Variants in GMDS observed in about 807,000 individuals in gnomAD.
GMDS encodes GDP-mannose 4,6-dehydratase, also known as GDP-mannose 4,6 dehydratase.
Under a neutral mutation model 49.9 loss-of-function variants are expected in GMDS, and 20 were observed. That is an observed-to-expected ratio of 0.40 (90% CI 0.28 to 0.58). The LOEUF (loss-of-function observed/expected upper bound fraction) is 0.58, where lower values mean the gene tolerates loss of function less well. Ranked by LOEUF, GMDS falls within the 20% of genes least tolerant of loss-of-function variation. The pLI is 0.42. For synonymous variants in GMDS, 177 were observed against 178.6 expected (o/e 0.99, Z 0.07); for missense variants, 362 against 481.4 (o/e 0.75, Z 2.32).
chr6:2,245,378 C>A lies in GMDS; in HGVS notation c.45G>T (p.Gly15=). The change falls in exon 1 of 11, where the codon GGG becomes GGT. Residue 15 remains glycine (G), a synonymous_variant. Coordinates refer to ENST00000380815, the MANE Select transcript of GMDS (RefSeq NM_001500.4). The part of the protein sequence containing the change: ...PARCPSARGS[G]DGEMGKPRNV... ...TCCTGGGCTTGCCCATCTCGCCGTC[C>A]CCGGAGCCCCGGGCGCTGGGGCAGC... The A allele has an allele frequency of 6.5e-7, 1 of 1,547,528 alleles. No individual in the cohort carries two copies. The highest frequency in any genetic ancestry group is 8.7e-7 in the Non-Finnish European group (1 of 1,152,348).
At chr6:2,002,757 C>T (rs1380889465) in intron 4 of GMDS, among the ~76,000 whole-genome samples, 1 of 152,100 alleles carries the variant, frequency 6.6e-6, no homozygotes, top group Non-Finnish European at 1.5e-5. Context: ...AAATACTACC[C>T]CTAGAAATAA....
intron 9 of GMDS, among the ~76,000 whole-genome samples, chr6:1,675,757 G>C (rs1764599952): frequency 6.6e-6 from 1 of 151,906 alleles, no homozygotes; most frequent in Non-Finnish European, 1.5e-5. Flanking sequence ...GGAAGCTGAG[G>C]CAGGAGAATG....
intron 9 of GMDS, among the ~76,000 whole-genome samples, chr6:1,636,062 C>T (rs948853849): frequency 3.3e-5 from 5 of 152,096 alleles, no homozygotes; most frequent in African/African-American, 4.8e-5. Context: ...AGAATGTCAG[C>T]GGAAATAGAA....
intron 9 of GMDS, among the ~76,000 whole-genome samples, chr6:1,718,996 AC>A (rs1766271813): frequency 6.6e-6 from 1 of 152,128 alleles, no homozygotes; most frequent in South Asian, 2.1e-4. Flanking sequence ...GGCAAGGCAT[AC>A]CTGATTTACT....
chr6:2,195,311 T>C (rs1164414302), intron 1 of GMDS, among the ~76,000 whole-genome samples: 1 of 152,086 alleles, frequency 6.6e-6, no homozygotes, highest in African/African-American at 2.4e-5. Context: ...TGAAGAAGTG[T>C]TTTATTTTCC....
intron 9 of GMDS, among the ~76,000 whole-genome samples, chr6:1,628,640 G>T (rs1193471662): frequency 6.6e-6 from 1 of 152,222 alleles, no homozygotes; most frequent in Non-Finnish European, 1.5e-5. Context: ...AAGAACATCT[G>T]TTTAGGTGGA....
At chr6:1,952,191 G>C in intron 6 of GMDS, 1 of 162,762 alleles carries the variant, frequency 6.1e-6, no homozygotes, top group Non-Finnish European at 1.3e-5. Context: ...AGGGTATTTT[G>C]GGAGAATACC....
At chr6:1,675,575 G>A (rs944424810) in intron 9 of GMDS, among the ~76,000 whole-genome samples, 11 of 152,134 alleles carry the variant, frequency 7.2e-5, no homozygotes, top group African/African-American at 2.7e-4. Flanking sequence ...TTAGCTGGCT[G>A]GGTGCGGTGG....
chr6:1,806,861 T>C (rs1770198014), intron 7 of GMDS, among the ~76,000 whole-genome samples: 1 of 152,206 alleles, frequency 6.6e-6, no homozygotes, highest in South Asian at 2.1e-4. Context: ...TGTATATGTA[T>C]GTCATCAGGT....
chr6:1,709,922 G>A (rs140772378), intron 9 of GMDS, among the ~76,000 whole-genome samples: 205 of 152,326 alleles, frequency 1.3e-3, no homozygotes, highest in Non-Finnish European at 2.5e-3. Context: ...TGGAGGAAGA[G>A]TTTTTGCTTC....
At chr6:1,675,785 G>A (rs1032997344) in intron 9 of GMDS, among the ~76,000 whole-genome samples, 4 of 151,572 alleles carry the variant, frequency 2.6e-5, no homozygotes, top group Non-Finnish European at 5.9e-5. Flanking sequence ...CTCGGGAGGT[G>A]GAGGTTGCAG....
At chr6:1,872,869 C>T (rs910813843) in intron 7 of GMDS, among the ~76,000 whole-genome samples, 1 of 152,240 alleles carries the variant, frequency 6.6e-6, no homozygotes. Flanking sequence ...CCCCAGCCCC[C>T]GACAGCTGTT....
chr6:1,907,848 T>A (rs1760851867), intron 7 of GMDS, among the ~76,000 whole-genome samples: 1 of 152,216 alleles, frequency 6.6e-6, no homozygotes, highest in African/African-American at 2.4e-5. Flanking sequence ...TCCCCTCTTA[T>A]CTGTGGGAGA....
At chr6:1,819,219 A>G (rs1770789695) in intron 7 of GMDS, among the ~76,000 whole-genome samples, 1 of 152,218 alleles carries the variant, frequency 6.6e-6, no homozygotes. Context: ...GAAAAGCGGC[A>G]TGACTACACA....
intron 9 of GMDS, among the ~76,000 whole-genome samples, chr6:1,694,560 A>C (rs548761099): frequency 3.3e-4 from 50 of 152,306 alleles, no homozygotes; most frequent in African/African-American, 1.2e-3. Flanking sequence ...TTAAAATCAA[A>C]CATATGCTTT....
At chr6:1,780,591 C>G (rs911207074) in intron 7 of GMDS, among the ~76,000 whole-genome samples, 1 of 152,206 alleles carries the variant, frequency 6.6e-6, no homozygotes, top group African/African-American at 2.4e-5. Flanking sequence ...TCTCTGCCTG[C>G]CTGAGGAGAG....
At chr6:2,000,013 T>TTA (rs1404004511) in intron 4 of GMDS, among the ~76,000 whole-genome samples, 4 of 10,198 alleles carry the variant, frequency 3.9e-4, no homozygotes, top group East Asian at 2.1e-3. Flanking sequence ...TATATATTTT[T>TTA]TATATATATA....
At chr6:1,774,977 C>T (rs1362099943) in intron 7 of GMDS, among the ~76,000 whole-genome samples, 3 of 152,192 alleles carry the variant, frequency 2.0e-5, no homozygotes, top group African/African-American at 2.4e-5. Context: ...GCGGAGCCTG[C>T]TCGATGGCCT....
chr6:1,655,519 ATAT>A (rs779189250), intron 9 of GMDS, among the ~76,000 whole-genome samples: 51 of 70,310 alleles, frequency 7.3e-4, no homozygotes, highest in African/African-American at 2.7e-3. Context: ...ACACACACAC[ATAT>A]TTTTTTTTTT....
Sources: gnomAD v4.1 joint callset for allele counts (sites outside exome capture counted in the v4.1 genomes callset) on GRCh38, gnomAD v4.1.1 for gene constraint, MANE v1.5 for transcripts, NCBI Gene and HGNC (gene_info 2026-07-23, HGNC 2026-07-21) for gene names.